CELF2: variants seen among roughly 807,000 people sequenced by gnomAD.
CELF2 encodes CUG triplet repeat RNA-binding protein 2.
Under a neutral mutation model 62.6 loss-of-function variants are expected in CELF2, and 8 were observed. That is an observed-to-expected ratio of 0.13 (90% CI 0.07 to 0.23). CELF2 has a LOEUF of 0.23. Ranked by LOEUF, CELF2 falls within the 10% of genes least tolerant of loss-of-function variation. CELF2 has a pLI of 1.00. For missense variants in CELF2, 333 were observed against 671.0 expected, an observed-to-expected ratio of 0.50 and a Z score of 5.56; for synonymous variants, 258 against 250.0, an observed-to-expected ratio of 1.03 and a Z score of -0.30.
At chr10:11,083,543 C>T (rs565694479) in intron 1 of CELF2, among the ~76,000 whole-genome samples, 1 of 152,150 alleles carries the variant, frequency 6.6e-6, no homozygotes, top group South Asian at 2.1e-4. Context: ...AAAGTTTTTA[C>T]TAAGGTAATG....
chr10:10,781,285 A>G, the CELF2 span, among the ~76,000 whole-genome samples: 13 of 152,362 alleles, frequency 8.5e-5, no homozygotes, highest in East Asian at 5.8e-4. Flanking sequence ...GCATTGTGTT[A>G]CATTTGCCTA....
At chr10:10,653,650 A>G in the CELF2 span, among the ~76,000 whole-genome samples, 12 of 143,380 alleles carry the variant, frequency 8.4e-5, no homozygotes, top group Admixed American at 8.4e-4. Flanking sequence ...GCAGAAATAA[A>G]GATGTTCTTT....
At chr10:10,749,806 T>C in the CELF2 span, among the ~76,000 whole-genome samples, 5 of 152,368 alleles carry the variant, frequency 3.3e-5, no homozygotes, top group African/African-American at 1.2e-4. Flanking sequence ...AATTTTCATA[T>C]TTTCTCTTTG....
intron 1 of CELF2, among the ~76,000 whole-genome samples, chr10:11,022,989 T>G (rs2058581665): frequency 6.6e-6 from 1 of 152,218 alleles, no homozygotes; most frequent in Non-Finnish European, 1.5e-5. Flanking sequence ...AATTAATAAG[T>G]CATCAATGTT....
At chr10:10,864,558 G>A (rs1050594069) in intron 1 of CELF2, among the ~76,000 whole-genome samples, 1 of 152,090 alleles carries the variant, frequency 6.6e-6, no homozygotes, top group African/African-American at 2.4e-5. Flanking sequence ...CTCTCTTTCT[G>A]GTTTGCAGAA....
chr10:11,051,611 A>G (rs570495327), intron 1 of CELF2, among the ~76,000 whole-genome samples: 1 of 152,222 alleles, frequency 6.6e-6, no homozygotes, highest in Non-Finnish European at 1.5e-5. Flanking sequence ...CATAACAGAT[A>G]CGGTGACTGC....
chr10:10,853,912 G>T (rs1044182442), intron 1 of CELF2, among the ~76,000 whole-genome samples: 2 of 152,126 alleles, frequency 1.3e-5, no homozygotes, highest in Non-Finnish European at 2.9e-5. Context: ...GCAAGACTTC[G>T]CATGTACGAA....
intron 1 of CELF2, among the ~76,000 whole-genome samples, chr10:11,071,358 T>C (rs2069921290): frequency 6.6e-6 from 1 of 152,204 alleles, no homozygotes; most frequent in East Asian, 1.9e-4. Context: ...GTTGGTTTCA[T>C]TACCTCCGTT....
rs74115812 is a variant in CELF2 at position 11,276,701 on chromosome 10, A to G, written c.841+1581A>G. ...GGTGGCCTCAGGCTTTCCTACCCCCACAGTTGGATTATGCAGAGAAGGTCA... is the reference window on the plus strand; with the variant it reads ...GGTGGCCTCAGGCTTTCCTACCCCCGCAGTTGGATTATGCAGAGAAGGTCA... On this transcript the variant is annotated intron_variant, in intron 8 of 12. Transcript: ENST00000633077. Among the ~76,000 whole-genome samples the G allele has an allele frequency of 6.5e-3, 984 of 152,268 alleles. 15 individuals are homozygous for G. Among genetic ancestry groups the G allele is most frequent in the African/African-American group, 0.023 (938 of 41,556 alleles).
At chr10:10,495,898 A>G in the CELF2 span, among the ~76,000 whole-genome samples, 1 of 152,184 alleles carries the variant, frequency 6.6e-6, no homozygotes. Flanking sequence ...TTTAAAGTTT[A>G]TTTCTACTTA....
chr10:11,277,529 T>C (rs911585108), intron 8 of CELF2, among the ~76,000 whole-genome samples: 2 of 152,202 alleles, frequency 1.3e-5, no homozygotes, highest in Non-Finnish European at 2.9e-5. Flanking sequence ...TAAGAGCTGC[T>C]CATGAGTATC....
At chr10:10,982,832 T>C (rs763215685) in intron 2 of CELF2, among the ~76,000 whole-genome samples, 3 of 152,206 alleles carry the variant, frequency 2.0e-5, no homozygotes, top group Non-Finnish European at 4.4e-5. Flanking sequence ...CCCTCAAATC[T>C]TCAACTTTTA....
the CELF2 span, among the ~76,000 whole-genome samples, chr10:10,613,149 T>C: frequency 6.1e-5 from 9 of 146,452 alleles, no homozygotes; most frequent in Non-Finnish European, 1.4e-4. Flanking sequence ...GGTTTTTTTT[T>C]CCTAGTATTT....
At chr10:10,753,692 C>A in the CELF2 span, among the ~76,000 whole-genome samples, 1 of 152,154 alleles carries the variant, frequency 6.6e-6, no homozygotes, top group Non-Finnish European at 1.5e-5. Context: ...GAACAGTTGA[C>A]TTTTGAAACA....
Position 11,285,931 on chromosome 10 carries a change from TG to T in CELF2, c.842-2485del. 6.6e-6 allele frequency among the ~76,000 whole-genome samples: 1 copy of T among 151,550 alleles called. No homozygotes were observed. The highest frequency in any genetic ancestry group is 2.4e-5 in the African/African-American group (1 of 41,304). ...ACATAATTTTTGTCCTAAAGGAACT[TG>T]GTATCTGGTTGGGAGGGCAAGAAAT... On this transcript the variant is annotated intron_variant, in intron 8 of 12. Transcript: ENST00000633077. This position sits in a 1 kb window ranked among gnomAD's most constrained non-coding sequence, Gnocchi z 4.3.
chr10:10,920,063 G>T (rs1328637380), intron 2 of CELF2: 2 of 1,099,492 alleles, frequency 1.8e-6, no homozygotes, highest in Non-Finnish European at 2.3e-6. Context: ...GAAGTACTGT[G>T]CCATGTCTTC....
chr10:10,839,074 A>G (rs948472917), intron 1 of CELF2, among the ~76,000 whole-genome samples: 6 of 152,114 alleles, frequency 3.9e-5, no homozygotes, highest in African/African-American at 1.4e-4. Context: ...TGAACCCAGG[A>G]GGGGGAGGTT....
At chr10:11,132,190 G>A (rs913717347) in intron 1 of CELF2, among the ~76,000 whole-genome samples, 1 of 152,220 alleles carries the variant, frequency 6.6e-6, no homozygotes, top group Non-Finnish European at 1.5e-5. Flanking sequence ...GTCTACCAGT[G>A]TGTAGTCAAG....
intron 1 of CELF2, among the ~76,000 whole-genome samples, chr10:10,837,986 C>T (rs1039750018): frequency 3.9e-5 from 6 of 152,128 alleles, no homozygotes; most frequent in Non-Finnish European, 8.8e-5. Flanking sequence ...TTACCCAAAG[C>T]CTGTACAGTA....
Sources: gnomAD v4.1 joint callset for allele counts (sites outside exome capture counted in the v4.1 genomes callset) on GRCh38, gnomAD v4.1.1 for gene constraint, Gnocchi (gnomAD v3.1) non-coding constraint, MANE v1.5 for transcripts, NCBI Gene and HGNC (gene_info 2026-07-23, HGNC 2026-07-21) for gene names.